Variants in OGG1 observed in about 807,000 individuals in gnomAD.
OGG1 encodes 8-oxoguanine DNA glycosylase, also known as N-glycosylase/DNA lyase.
A neutral mutation model predicts 42.3 loss-of-function variants in OGG1; 35 were observed. That is an observed-to-expected ratio of 0.83 (90% confidence interval 0.63 to 1.10). OGG1 has a LOEUF of 1.10. Among genes scored for constraint, OGG1 ranks in the 50% least tolerant of loss-of-function variants. The pLI, the probability that OGG1 is intolerant of heterozygous loss-of-function variation, is 0.00. For synonymous variants in OGG1, 189 were observed against 179.0 expected, an observed-to-expected ratio of 1.06 and a Z score of -0.44; for missense variants, 484 against 446.7, an observed-to-expected ratio of 1.08 and a Z score of -0.75.
chr3:9,760,650 A>G, downstream of OGG1: 1 of 1,613,872 alleles, frequency 6.2e-7, no homozygotes, highest in East Asian at 2.2e-5. Context: ...GCAAAGCCCC[A>G]AATACCAGAG....
intron 4 of OGG1, among the ~76,000 whole-genome samples, chr3:9,755,211 T>A (rs901364055): frequency 1.3e-5 from 2 of 151,948 alleles, no homozygotes; most frequent in Non-Finnish European, 2.9e-5. Flanking sequence ...AGATATTTCT[T>A]CTTTTCGGTT....
At position 9,750,328 on chromosome 3, in the gene OGG1, T is replaced by C; in HGVS notation, c.42T>C (p.Arg14=). The C allele has an allele frequency of 6.2e-7, 1 of 1,613,938 alleles. No homozygotes were observed. The highest frequency in any genetic ancestry group is 1.1e-5 in the South Asian group (1 of 91,082). Residue 14 remains arginine, a synonymous_variant, in exon 1 of 7, where the codon CGT becomes CGC. Coordinates refer to ENST00000344629, the MANE Select transcript of OGG1 (RefSeq NM_002542.6). ...RALLPRRMGH[R]TLASTPALWA... is the part of the protein sequence containing the mutation. ...TTCTGCCCAGGCGCATGGGGCATCG[T>C]ACTCTAGCCTCCACTCCTGCCCTGT... is the stretch of plus-strand genomic sequence containing the variant.
intron 3 of OGG1, among the ~76,000 whole-genome samples, chr3:9,784,696 C>G (rs887978297): frequency 6.6e-6 from 1 of 151,840 alleles, no homozygotes; most frequent in Non-Finnish European, 1.5e-5. Context: ...GAAACCCCGT[C>G]TCTACTAAAA....
intron 3 of OGG1, among the ~76,000 whole-genome samples, chr3:9,752,281 T>C (rs1194675550): frequency 6.6e-6 from 1 of 152,148 alleles, no homozygotes; most frequent in Non-Finnish European, 1.5e-5. Context: ...TTGGGCACAT[T>C]ATTTAGCATC....
intron 2 of OGG1, 89 bp from the exon 3 acceptor site, chr3:9,751,681 T>C (rs1222230235): frequency 2.4e-6 from 3 of 1,235,714 alleles, no homozygotes; most frequent in Non-Finnish European, 3.6e-6. Context: ...CCTCCTGGAG[T>C]TTTGGTACCT....
At chr3:9,753,205 G>A (rs1055113215) in intron 3 of OGG1, among the ~76,000 whole-genome samples, 26 of 152,088 alleles carry the variant, frequency 1.7e-4, no homozygotes, top group Admixed American at 5.2e-4. Flanking sequence ...TTAGCTGGGC[G>A]TGGTGGCAGG....
Position 9,756,913 on chromosome 3 carries a change from C to G in OGG1, c.948+97C>G. 2.5e-6 allele frequency: 4 copies of G among 1,612,078 alleles called. No homozygotes were observed. In the South Asian group the frequency reaches 4.4e-5, roughly 18 times the overall value. ...GCCCCAGGTGGCCCTAAAGGACTCT[C>G]CAGCCACCCCTGTCCCAACCCCAGT... On this transcript the variant is annotated intron_variant, in intron 6 of 6. Coordinates refer to ENST00000344629, the MANE Select transcript of OGG1 (RefSeq NM_002542.6).
At chr3:9,761,507 T>C, downstream of OGG1, 4 of 1,613,668 alleles carry the variant, frequency 2.5e-6, no homozygotes, top group Non-Finnish European at 3.4e-6. Flanking sequence ...ACAGCCTTGC[T>C]GTAGGGCTTC....
At chr3:9,782,599 C>T (rs190921132) in intron 3 of OGG1, among the ~76,000 whole-genome samples, 12 of 152,278 alleles carry the variant, frequency 7.9e-5, no homozygotes, top group Admixed American at 5.9e-4. Flanking sequence ...CTCTTGCTGG[C>T]CCCCAGCACA....
Position 9,751,883 on chromosome 3 carries a change from G to A in OGG1, c.499G>A (p.Gly167Arg). 1 of 1,614,148 alleles carries A rather than the reference G, an allele frequency of 6.2e-7. No individual in the cohort carries two copies. The highest frequency in any genetic ancestry group is 8.5e-7 in the Non-Finnish European group (1 of 1,180,016). ...GGTGGAGCGGCTGTGCCAGGCTTTT[G>A]GACCTCGGCTCATCCAGCTTGATGA... ...GMVERLCQAF[G>R]PRLIQLDDVT... Residue 167 changes from glycine to arginine, a missense_variant, in exon 3 of 7, where the codon GGA (glycine) becomes AGA (arginine). Physicochemically the swap from Gly to Arg is moderately radical, Grantham distance 125. Coordinates refer to ENST00000344629, the MANE Select transcript of OGG1 (RefSeq NM_002542.6).
At chr3:9,756,874 A>C (rs1575209061) in intron 6 of OGG1, 58 bp downstream of exon 6, 1 of 1,611,972 alleles carries the variant, frequency 6.2e-7, no homozygotes, top group Admixed American at 1.7e-5. Flanking sequence ...GACCCAGTGG[A>C]CTCTTCCACC....
chr3:9,757,179 C>T lies in OGG1; in HGVS notation c.*29C>T, dbSNP rs1052140. ...GGGCACCCTGGACAAAGAAATTCCC[C>T]AAGCACCTTCCCCTCCATTCCCCAC... On this transcript the variant is annotated 3_prime_UTR_variant, in exon 7 of 7. Transcript: ENST00000344629. This position sits in a 1 kb window ranked among gnomAD's most constrained non-coding sequence, Gnocchi z 4.5. 1 of 1,613,838 alleles carries T rather than the reference C, an allele frequency of 6.2e-7. No individual in the cohort carries two copies. Among genetic ancestry groups the T allele is most frequent in the African/African-American group, 1.3e-5 (1 of 74,914 alleles).
chr3:9,757,981 A>G, downstream of OGG1: 2 of 1,428,592 alleles, frequency 1.4e-6, no homozygotes, highest in Non-Finnish European at 1.8e-6. The surrounding 1 kb of genome is among the most constrained non-coding windows in gnomAD (Gnocchi z 4.5). Context: ...ATTCCCCTAA[A>G]GCCCCCCAAA....
chr3:9,750,197 C>T lies in OGG1; in HGVS notation c.-90C>T. On this transcript the variant is annotated 5_prime_UTR_variant, in exon 1 of 7. Coordinates refer to ENST00000344629, the MANE Select transcript of OGG1 (RefSeq NM_002542.6). ...ACCGTGTGGGCGAGGCCTTAAGGGT[C>T]GTGGTCCTTGTCTGGGCGGGGTCTT... is the stretch of plus-strand genomic sequence containing the variant. 1 of 1,509,076 alleles carries T rather than the reference C, an allele frequency of 6.6e-7. No individual in the cohort carries two copies. Among genetic ancestry groups the T allele is most frequent in the Non-Finnish European group, 8.9e-7 (1 of 1,120,946 alleles). The allele number at this position is 1,509,076 out of a possible 1,614,324, so 93.5% of individuals were successfully genotyped here. A position where few individuals can be genotyped will look rare whatever the true frequency, so the allele number is the denominator to read the frequency against.
At chr3:9,784,156 G>A (rs2078548440) in intron 3 of OGG1, 1 of 1,614,002 alleles carries the variant, frequency 6.2e-7, no homozygotes, top group Admixed American at 1.7e-5. Context: ...ACTCCAAAAG[G>A]CCCTGGGCAA....
At chr3:9,780,851 A>G (rs2078443946) in intron 2 of OGG1, among the ~76,000 whole-genome samples, 1 of 152,178 alleles carries the variant, frequency 6.6e-6, no homozygotes, top group Non-Finnish European at 1.5e-5. Flanking sequence ...AGAAGAATAA[A>G]GTCTTGGCTG....
chr3:9,761,450 G>A (rs1014128455), downstream of OGG1: 5 of 1,606,038 alleles, frequency 3.1e-6, no homozygotes, highest in African/African-American at 5.4e-5. Context: ...CCATGGCCAA[G>A]CCCCACTTAC....
downstream of OGG1, chr3:9,761,807 T>C: frequency 6.2e-7 from 1 of 1,603,120 alleles, no homozygotes; most frequent in Non-Finnish European, 8.5e-7. Context: ...GGTTAGAGGC[T>C]GGTAGAACCT....
chr3:9,774,883 C>G (rs1458236470), intron 2 of OGG1, among the ~76,000 whole-genome samples: 2 of 152,044 alleles, frequency 1.3e-5, no homozygotes, highest in East Asian at 3.9e-4. Flanking sequence ...GATTCAGGGA[C>G]TCCTCTTCTG....
Sources: allele counts gnomAD v4.1 joint callset (sites outside exome capture counted in the v4.1 genomes callset), GRCh38; gene constraint gnomAD v4.1.1; non-coding constraint Gnocchi (gnomAD v3.1); transcripts MANE v1.5; gene names NCBI Gene and HGNC (gene_info 2026-07-23, HGNC 2026-07-21).